The following CXXC5 variants were observed in gnomAD, a reference collection of about 807,000 sequenced individuals.
CXXC5 encodes the protein CXXC-type zinc finger protein 5.
A neutral mutation model predicts 17.6 loss-of-function variants in CXXC5; 2 were observed. The ratio of observed to expected loss-of-function variants is 0.11; its 90% CI spans 0.05 to 0.36. The LOEUF is 0.36. Ranked by LOEUF, CXXC5 falls within the 10% of genes least tolerant of loss-of-function variation. CXXC5 has a pLI of 1.00. For synonymous variants in CXXC5, 171 were observed against 193.0 expected (o/e 0.89, Z 0.94); for missense variants, 343 against 458.3 (o/e 0.75, Z 2.30).
chr5:139,669,474 C>T (rs902477030), intron 1 of CXXC5, among the ~76,000 whole-genome samples: 2 of 151,986 alleles, frequency 1.3e-5, no homozygotes, highest in South Asian at 4.1e-4. Flanking sequence ...CCGCCATCTG[C>T]AAGTGACAAG....
intron 1 of CXXC5, among the ~76,000 whole-genome samples, chr5:139,660,037 G>A (rs1755703440): frequency 6.6e-6 from 1 of 152,330 alleles, no homozygotes; most frequent in Non-Finnish European, 1.5e-5. Flanking sequence ...GCAGCCGGGT[G>A]GGCAGGCAGG....
At chr5:139,675,437 C>G (rs1756727283) in intron 1 of CXXC5, 1 of 152,204 alleles carries the variant, frequency 6.6e-6, no homozygotes, top group Non-Finnish European at 1.5e-5. Flanking sequence ...ATGTCACTGG[C>G]TTAGCATTCC....
chr5:139,674,548 G>A (rs962930139), intron 1 of CXXC5, among the ~76,000 whole-genome samples: 2 of 152,366 alleles, frequency 1.3e-5, no homozygotes, highest in East Asian at 3.9e-4. Context: ...TGGCTGCAAG[G>A]CTGGTCAGCC....
chr5:139,675,855 T>C (rs773074835), intron 1 of CXXC5, among the ~76,000 whole-genome samples: 3 of 152,148 alleles, frequency 2.0e-5, no homozygotes, highest in African/African-American at 7.2e-5. Flanking sequence ...TAAATGCTGG[T>C]TGATAGGATC....
At chr5:139,672,812 G>A (rs1324940304) in intron 1 of CXXC5, among the ~76,000 whole-genome samples, 4 of 152,186 alleles carry the variant, frequency 2.6e-5, no homozygotes, top group Non-Finnish European at 5.9e-5. Flanking sequence ...ACCAGTCAGG[G>A]AGGGACAGGG....
chr5:139,649,878 G>C (rs1033004383), intron 1 of CXXC5: 2 of 152,254 alleles, frequency 1.3e-5, no homozygotes, highest in Non-Finnish European at 2.9e-5. Context: ...ACCGCCGCGA[G>C]AGGAATGTGT....
chr5:139,650,070 G>T (rs572915857), intron 1 of CXXC5, among the ~76,000 whole-genome samples: 42 of 152,226 alleles, frequency 2.8e-4, no homozygotes, highest in Non-Finnish European at 5.6e-4. Context: ...GTGGGAGCAA[G>T]ATCTCTTTTT....
At position 139,648,548 on chromosome 5, in the gene CXXC5, C is replaced by T. The variant is rs1470766472; in HGVS notation, c.-458C>T. 6.6e-6 allele frequency: 1 copy of T among 151,994 alleles called. No individual in the cohort carries two copies. The highest frequency in any genetic ancestry group is 1.5e-5 in the Non-Finnish European group (1 of 68,026). The allele number at this position is 151,994 out of a possible 1,614,324, so 9.4% of individuals were successfully genotyped here. A position where few individuals can be genotyped will look rare whatever the true frequency, so the allele number is the denominator to read the frequency against. ...GCCTGCTGAGTCCGGGCGCCGCACG[C>T]TGAGCCCTCCGCCCGCGAGCCGCGC... On this transcript the variant is annotated 5_prime_UTR_variant, in exon 1 of 3. Transcript: ENST00000302517.
At chr5:139,657,455 G>T (rs990268403) in intron 1 of CXXC5, among the ~76,000 whole-genome samples, 1 of 152,212 alleles carries the variant, frequency 6.6e-6, no homozygotes, top group African/African-American at 2.4e-5. Flanking sequence ...TAGGCTAGTT[G>T]GGCAGACAAA....
At chr5:139,681,602 C>A in intron 2 of CXXC5, 155 bp downstream of exon 2, 1 of 847,702 alleles carries the variant, frequency 1.2e-6, no homozygotes, top group South Asian at 2.1e-5. Context: ...CTTCAAGACA[C>A]CAGTTTACTG....
chr5:139,652,421 G>A (rs1410944423), intron 1 of CXXC5, among the ~76,000 whole-genome samples: 1 of 151,724 alleles, frequency 6.6e-6, no homozygotes, highest in Non-Finnish European at 1.5e-5. Context: ...AGAAAGGACT[G>A]CCCCCTAAAG....
intron 1 of CXXC5, among the ~76,000 whole-genome samples, chr5:139,660,161 G>A (rs1348327864): frequency 6.6e-6 from 1 of 152,222 alleles, no homozygotes; most frequent in Non-Finnish European, 1.5e-5. Context: ...CTGTGCCAGT[G>A]CAGTGAGGGG....
At chr5:139,651,336 C>G (rs1385679901) in intron 1 of CXXC5, among the ~76,000 whole-genome samples, 1 of 147,340 alleles carries the variant, frequency 6.8e-6, no homozygotes, top group Non-Finnish European at 1.5e-5. Flanking sequence ...CCAGTGGCCT[C>G]GTCTTTATCA....
intron 1 of CXXC5, among the ~76,000 whole-genome samples, chr5:139,674,280 T>G (rs1038612209): frequency 1.3e-5 from 2 of 152,184 alleles, no homozygotes; most frequent in African/African-American, 4.8e-5. Context: ...TCCACCCCAT[T>G]GCCCAGCTTG....
intron 1 of CXXC5, among the ~76,000 whole-genome samples, chr5:139,653,939 C>G (rs1755347966): frequency 6.6e-6 from 1 of 152,148 alleles, no homozygotes; most frequent in Non-Finnish European, 1.5e-5. Flanking sequence ...ACACTGGCCC[C>G]AGAGCACAGG....
intron 1 of CXXC5, among the ~76,000 whole-genome samples, chr5:139,649,987 G>A (rs904831191): frequency 6.6e-6 from 1 of 152,260 alleles, no homozygotes; most frequent in East Asian, 1.9e-4. Context: ...TAGGATCGAC[G>A]GAAAGCGAGT....
At chr5:139,671,012 C>T (rs1324962453) in intron 1 of CXXC5, among the ~76,000 whole-genome samples, 1 of 152,198 alleles carries the variant, frequency 6.6e-6, no homozygotes, top group Non-Finnish European at 1.5e-5. Context: ...GGTAGTTATG[C>T]CACCCGAGGG....
At chr5:139,679,605 C>T (rs1238888440) in intron 1 of CXXC5, 4 of 152,222 alleles carry the variant, frequency 2.6e-5, no homozygotes, top group South Asian at 2.1e-4. Context: ...TGATCTGTAC[C>T]ATCAAGCACT....
In CXXC5 at chr5:139,683,011, C is replaced by A; in HGVS notation, c.*104C>A. ...CAAACGGATGCACCCGTCTTTAGAACCAAAAATATTCTCTCACAGATTTCA... is the reference window on the plus strand; with the variant it reads ...CAAACGGATGCACCCGTCTTTAGAAACAAAAATATTCTCTCACAGATTTCA... On this transcript the variant is annotated 3_prime_UTR_variant, in exon 3 of 3. Transcript: ENST00000302517. The A allele has an allele frequency of 1.0e-6, 1 of 958,000 alleles. No individual in the cohort carries two copies. The highest frequency in any genetic ancestry group is 1.4e-6 in the Non-Finnish European group (1 of 692,420). The allele number at this position is 958,000 out of a possible 1,614,324, so 59.3% of individuals were successfully genotyped here. A position where few individuals can be genotyped will look rare whatever the true frequency, so the allele number is the denominator to read the frequency against.
Sources: allele counts gnomAD v4.1 joint callset (sites outside exome capture counted in the v4.1 genomes callset), GRCh38; gene constraint gnomAD v4.1.1; transcripts MANE v1.5; gene names NCBI Gene and HGNC (gene_info 2026-07-23, HGNC 2026-07-21).